The following SEMA6A variants were observed in gnomAD, a reference collection of about 807,000 sequenced individuals.
The protein encoded by SEMA6A is semaphorin-6A.
SEMA6A carries 25 observed loss-of-function variants against 96.8 expected under a neutral mutation model. The ratio of observed to expected loss-of-function variants is 0.26; its 90% CI spans 0.19 to 0.36. The LOEUF (loss-of-function observed/expected upper bound fraction) is 0.36. Among genes scored for constraint, SEMA6A ranks in the 10% least tolerant of loss-of-function variants. The pLI is 1.00. For missense variants in SEMA6A, 1,363 were observed against 1,323.1 expected (o/e 1.03, Z -0.47); for synonymous variants, 612 against 518.0 (o/e 1.18, Z -2.46).
chr5:116,486,269 T>C (rs1317493100), intron 10 of SEMA6A, among the ~76,000 whole-genome samples: 3 of 152,176 alleles, frequency 2.0e-5, no homozygotes, highest in Non-Finnish European at 4.4e-5. Flanking sequence ...CTTCAAAAGG[T>C]ACTGATCCCG....
At chr5:116,514,337 T>C (rs1008412968) in intron 1 of SEMA6A, among the ~76,000 whole-genome samples, 17 of 152,194 alleles carry the variant, frequency 1.1e-4, no homozygotes, top group African/African-American at 4.1e-4. Context: ...TGAGATGGTA[T>C]CTGATTGTGG....
Position 116,551,680 on chromosome 5 carries a change from A to T in SEMA6A, c.-39+22505T>A, listed in dbSNP as rs189807356. On this transcript the variant is annotated intron_variant, in intron 1 of 18. Transcript: ENST00000343348. ...ATGCAGTCTCTTCTCCCATGCACATAGTTTCATTTGCGGACATCTTTTCAT... is the reference window on the plus strand; with the variant it reads ...ATGCAGTCTCTTCTCCCATGCACATTGTTTCATTTGCGGACATCTTTTCAT... Among the ~76,000 whole-genome samples, 3 of 152,260 alleles carry T rather than the reference A, an allele frequency of 2.0e-5. No homozygotes were observed. The East Asian group carries it at 5.8e-4, about 29-fold the overall frequency.
intron 11 of SEMA6A, among the ~76,000 whole-genome samples, chr5:116,480,571 AAGTG>A (rs1756704234): frequency 1.3e-5 from 2 of 152,130 alleles, no homozygotes; most frequent in South Asian, 4.1e-4. Flanking sequence ...AGCTTGAAAC[AAGTG>A]AGTGAGTGTG....
At chr5:116,570,009 G>A (rs1561542166) in intron 1 of SEMA6A, among the ~76,000 whole-genome samples, 1 of 152,108 alleles carries the variant, frequency 6.6e-6, no homozygotes, top group Admixed American at 6.5e-5. Flanking sequence ...GGTGTAAATG[G>A]AATTATTGTA....
intron 18 of SEMA6A, among the ~76,000 whole-genome samples, chr5:116,467,329 G>A (rs920422024): frequency 2.6e-5 from 4 of 152,142 alleles, no homozygotes; most frequent in Non-Finnish European, 5.9e-5. Flanking sequence ...TTCGGGCCAA[G>A]CCACACCTTT....
chr5:116,467,645 T>A lies in SEMA6A; in HGVS notation c.1832A>T (p.Asp611Val), dbSNP rs1202055942. 1 of 1,612,788 alleles carries A rather than the reference T, an allele frequency of 6.2e-7. No individual in the cohort carries two copies. Among genetic ancestry groups the A allele is most frequent in the African/African-American group, 1.3e-5 (1 of 74,580 alleles). ...CAAAGGGTCTGTGCTGTCAGGTGAG[T>A]CAAGCAGATGCTTCCAGTCCAGCAT... ...GGMLDWKHLLDSPDSTDPLGA... is the reference protein window; with the variant it reads ...GGMLDWKHLLVSPDSTDPLGA... The change falls in exon 18 of 19, where the codon GAC becomes GTC. Residue 611 changes from aspartate (D) to valine (V), a missense_variant. Asp to Val is a radical substitution (Grantham distance 152). Coordinates refer to ENST00000343348, the MANE Select transcript of SEMA6A (RefSeq NM_020796.5).
chr5:116,496,352 G>A (rs369234416), intron 4 of SEMA6A, 39 bp from the exon 5 acceptor site: 3 of 1,581,318 alleles, frequency 1.9e-6, no homozygotes, highest in South Asian at 1.1e-5. Context: ...GAGCCCAGAG[G>A]TTGTTGCGTT....
chr5:116,502,960 G>A (rs1168225867), intron 2 of SEMA6A, among the ~76,000 whole-genome samples: 1 of 152,224 alleles, frequency 6.6e-6, no homozygotes, highest in Non-Finnish European at 1.5e-5. Context: ...ACAGGACAGG[G>A]TCAAACTGAG....
chr5:116,480,402 A>C (rs1756690663), intron 11 of SEMA6A, 125 bp from the exon 12 acceptor site: 6 of 1,167,016 alleles, frequency 5.1e-6, no homozygotes, highest in African/African-American at 1.5e-5. Flanking sequence ...GAGAGGAGGA[A>C]GTTGAACAAT....
intron 5 of SEMA6A, 178 bp downstream of exon 5, chr5:116,496,073 T>C (rs1159678892): frequency 1.1e-5 from 6 of 560,516 alleles, no homozygotes; most frequent in African/African-American, 1.9e-5. Flanking sequence ...TAATGTTTCA[T>C]CACATTAAAA....
At position 116,465,245 on chromosome 5, in the gene SEMA6A, C is replaced by T. The variant is rs187384833; in HGVS notation, c.1894+2338G>A. On this transcript the variant is annotated intron_variant, in intron 18 of 18. Coordinates refer to ENST00000343348, the MANE Select transcript of SEMA6A (RefSeq NM_020796.5). ...ACGCCATCATGAGTCAGAAAAGGAA[C>T]AAGACTTTTCCAACGGAGTAACGCC... 1.1e-4 allele frequency among the ~76,000 whole-genome samples: 16 copies of T among 152,262 alleles called. No homozygotes were observed. In the East Asian group the frequency reaches 2.7e-3, roughly 26 times the overall value.
In SEMA6A at chr5:116,501,190, G is replaced by A. The variant is rs540689478; in HGVS notation, c.218+1020C>T. Among the ~76,000 whole-genome samples the A allele has an allele frequency of 8.5e-5, 13 of 152,258 alleles. No individual in the cohort carries two copies. In the East Asian group the frequency reaches 2.5e-3, roughly 29 times the overall value. On this transcript the variant is annotated intron_variant, in intron 3 of 18. Coordinates refer to ENST00000343348, the MANE Select transcript of SEMA6A (RefSeq NM_020796.5). ...ATCATATATTGTTGGACTCCTTAGGGACTTCATTAAGGTAATCAAATACAA... is the reference window on the plus strand; with the variant it reads ...ATCATATATTGTTGGACTCCTTAGGAACTTCATTAAGGTAATCAAATACAA...
In SEMA6A at chr5:116,445,389, G is replaced by A. The variant is rs577179330; in HGVS notation, c.*1224C>T. ...GTGATCAAATCATTAATTTATGCAA[G>A]GTAGCAGCCAGCATATTAGTTCACA... On this transcript the variant is annotated 3_prime_UTR_variant, in exon 19 of 19. Transcript: ENST00000343348. 3.3e-5 allele frequency: 5 copies of A among 152,762 alleles called. No individual in the cohort carries two copies. Among genetic ancestry groups the A allele is most frequent in the African/African-American group, 1.2e-4 (5 of 41,586 alleles). 9.5% of individuals were successfully genotyped at this position (152,762 alleles called of 1,614,324 possible). A position where few individuals can be genotyped will look rare whatever the true frequency, so the allele number is the denominator to read the frequency against.
intron 6 of SEMA6A, 76 bp downstream of exon 6, chr5:116,495,337 G>T (rs1183114754): frequency 3.8e-6 from 4 of 1,047,870 alleles, no homozygotes; most frequent in Non-Finnish European, 5.8e-6. Context: ...CCCCTCTTAG[G>T]TTGCTGCAGG....
At chr5:116,448,668 A>G (rs1332628058) in intron 18 of SEMA6A, among the ~76,000 whole-genome samples, 2 of 147,922 alleles carry the variant, frequency 1.4e-5, no homozygotes, top group African/African-American at 2.5e-5. Flanking sequence ...TAGAGGAAAG[A>G]GAGTGTGTGT....
chr5:116,449,961 C>G (rs1293149019), intron 18 of SEMA6A: 1 of 152,220 alleles, frequency 6.6e-6, no homozygotes, highest in Non-Finnish European at 1.5e-5. Flanking sequence ...GTGAAGCTCC[C>G]CAAACAGTGG....
chr5:116,501,047 G>A (rs1262856689), intron 3 of SEMA6A, among the ~76,000 whole-genome samples: 1 of 152,152 alleles, frequency 6.6e-6, no homozygotes, highest in African/African-American at 2.4e-5. Context: ...TCTCCCCAGT[G>A]TGAAATGATT....
Position 116,482,537 on chromosome 5 carries a change from T to A in SEMA6A, c.1001A>T (p.Asp334Val). The A allele has an allele frequency of 6.2e-7, 1 of 1,613,644 alleles. No homozygotes were observed. The highest frequency in any genetic ancestry group is 8.5e-7 in the Non-Finnish European group (1 of 1,179,688). Residue 334 changes from aspartate to valine, a missense_variant, in exon 11 of 19, where the codon GAC becomes GTC. Physicochemically the swap from Asp to Val is radical, Grantham distance 152. This residue lies in a region of SEMA6A where 480 missense variants were observed against 559.5 expected (regional missense o/e 0.86). Coordinates refer to ENST00000343348, the MANE Select transcript of SEMA6A (RefSeq NM_020796.5). ...TCTCCCAGTAAAAACACTGGCAATG[T>A]CAAGCATGTCATAGGCACAGACTGC... The part of the protein sequence containing the change: ...GSAVCAYDML[D>V]IASVFTGRFK...
intron 1 of SEMA6A, among the ~76,000 whole-genome samples, chr5:116,570,706 T>C (rs1190706096): frequency 6.6e-6 from 1 of 152,252 alleles, no homozygotes; most frequent in Non-Finnish European, 1.5e-5. Context: ...TCTTTTGTCC[T>C]GTTCTGAAAA....
Sources: gnomAD v4.1 joint callset for allele counts (sites outside exome capture counted in the v4.1 genomes callset) on GRCh38, gnomAD v4.1.1 for gene constraint, gnomAD v4.1.1 regional missense constraint, MANE v1.5 for transcripts, NCBI Gene and HGNC (gene_info 2026-07-23, HGNC 2026-07-21) for gene names.